The following ABCA1 variants were observed in gnomAD, a reference collection of about 807,000 sequenced individuals.
ABCA1 encodes the protein phospholipid-transporting ATPase ABCA1.
A neutral mutation model predicts 262.5 loss-of-function variants in ABCA1; 133 were observed. That is an observed-to-expected ratio of 0.51 (90% CI 0.44 to 0.59). The LOEUF (loss-of-function observed/expected upper bound fraction) is 0.59, where lower values mean the gene tolerates loss of function less well. Among genes scored for constraint, ABCA1 ranks in the 20% least tolerant of loss-of-function variants. The probability of loss-of-function intolerance (pLI) is 0.00; values close to 1 mark genes in which losing one functional copy is unlikely to be tolerated. For missense variants in ABCA1, 2,452 were observed against 2,777.5 expected (o/e 0.88, Z 2.63); for synonymous variants, 1,022 against 1,043.5 (o/e 0.98, Z 0.40).
chr9:104,889,471 G>A, intron 2 of ABCA1: 2 of 776,600 alleles, frequency 2.6e-6, no homozygotes, highest in Non-Finnish European at 1.6e-6. Context: ...ATTCATCGTG[G>A]CATAATTTCC....
At position 104,798,590 on chromosome 9, in the gene ABCA1, G is replaced by A; in HGVS notation, c.4952C>T (p.Thr1651Ile). ...QQLSEVALMT[T>I]SVDVLVSICV... is the part of the protein sequence containing the mutation. ...GATGGACACAAGGACATCCACTGAT[G>A]TGGTCATCCTGGAGAGAAAAAGCGT... is the stretch of plus-strand genomic sequence containing the variant. The change falls in exon 37 of 50, where the codon ACA (threonine) becomes ATA (isoleucine). Residue 1651 changes from threonine to isoleucine, a missense_variant. Coordinates refer to ENST00000374736, the MANE Select transcript of ABCA1 (RefSeq NM_005502.4). 6.2e-7 allele frequency: 1 copy of A among 1,614,078 alleles called. No individual in the cohort carries two copies. The highest frequency in any genetic ancestry group is 8.5e-7 in the Non-Finnish European group (1 of 1,179,984).
intron 1 of ABCA1, among the ~76,000 whole-genome samples, chr9:104,926,149 G>A (rs373431800): frequency 2.6e-5 from 4 of 152,144 alleles, no homozygotes; most frequent in African/African-American, 9.6e-5. Flanking sequence ...TACCCAGAAG[G>A]TTTTTTTAAA....
rs1194236423 is a variant in ABCA1 at position 104,862,635 on chromosome 9, G to C, written c.422-835C>G. 0.022 allele frequency among the ~76,000 whole-genome samples: 31 copies of C among 1,416 alleles called. No individual in the cohort carries two copies. In the East Asian group the frequency reaches 0.31, roughly 14 times the overall value. 0.9% of individuals were successfully genotyped at this position (1,416 alleles called of 152,430 possible). On this transcript the variant is annotated intron_variant, in intron 5 of 49. Coordinates refer to ENST00000374736, the MANE Select transcript of ABCA1 (RefSeq NM_005502.4). ...AGAGCTTGTTAAAATGCAGACTGCC[G>C]GGCCGGGCCGGGCCGGGCCGGGCCG... is the stretch of plus-strand genomic sequence containing the variant.
chr9:104,923,355 A>C (rs554731608), intron 1 of ABCA1, among the ~76,000 whole-genome samples: 1 of 152,360 alleles, frequency 6.6e-6, no homozygotes, highest in South Asian at 2.1e-4. Context: ...CATCTGACTG[A>C]AGCAATAGTA....
Position 104,830,942 on chromosome 9 carries a change from G to C in ABCA1, c.1875C>G (p.Pro625=). ...TGVYMQQMPY[P]CYVDDIFLRV... is the part of the protein sequence containing the mutation. ...TAACTTACATGTCATCAACGTAACA[G>C]GGATAGGGCATCTGTTGCATATAGA... The change falls in exon 14 of 50, where the codon CCC becomes CCG. Residue 625 remains proline (P), a synonymous_variant. Coordinates refer to ENST00000374736, the MANE Select transcript of ABCA1 (RefSeq NM_005502.4). 4 of 1,613,620 alleles carry C rather than the reference G, an allele frequency of 2.5e-6. No individual in the cohort carries two copies. The highest frequency in any genetic ancestry group is 3.4e-6 in the Non-Finnish European group (4 of 1,179,928).
At chr9:104,890,134 C>A (rs1304385183) in intron 2 of ABCA1, among the ~76,000 whole-genome samples, 1 of 152,164 alleles carries the variant, frequency 6.6e-6, no homozygotes, top group African/African-American at 2.4e-5. Flanking sequence ...TTCTATATTC[C>A]AACGTTGTAA....
At chr9:104,866,429 C>T (rs1837093099) in intron 5 of ABCA1, among the ~76,000 whole-genome samples, 1 of 152,034 alleles carries the variant, frequency 6.6e-6, no homozygotes, top group Admixed American at 6.5e-5. Flanking sequence ...CTCCAGGAAG[C>T]CTGCCCTGGC....
At chr9:104,838,909 T>C (rs1834100481) in intron 9 of ABCA1, among the ~76,000 whole-genome samples, 1 of 151,230 alleles carries the variant, frequency 6.6e-6, no homozygotes, top group South Asian at 2.1e-4. Flanking sequence ...GAGGAGGAGA[T>C]GGGATTTAAT....
At chr9:104,868,203 T>C (rs993252881) in intron 5 of ABCA1, among the ~76,000 whole-genome samples, 11 of 151,962 alleles carry the variant, frequency 7.2e-5, no homozygotes, top group Admixed American at 2.6e-4. Flanking sequence ...CTACTAAAAA[T>C]ACAAAATTAG....
chr9:104,895,236 A>G (rs1840093043), intron 2 of ABCA1, among the ~76,000 whole-genome samples: 1 of 152,234 alleles, frequency 6.6e-6, no homozygotes, highest in African/African-American at 2.4e-5. Flanking sequence ...ACCAAAGTCA[A>G]AGCTGCTCCA....
At chr9:104,829,735 G>T (rs1833097391) in intron 14 of ABCA1, among the ~76,000 whole-genome samples, 1 of 152,146 alleles carries the variant, frequency 6.6e-6, no homozygotes, top group Non-Finnish European at 1.5e-5. Flanking sequence ...CCTGTCTTAA[G>T]ACATCCTTTC....
chr9:104,825,984 C>T, intron 16 of ABCA1, 97 bp from the exon 17 acceptor site: 5 of 1,223,664 alleles, frequency 4.1e-6, no homozygotes, highest in Non-Finnish European at 5.9e-6. Context: ...TTTGAATTTG[C>T]AAAATGGATC....
intron 5 of ABCA1, among the ~76,000 whole-genome samples, chr9:104,871,704 G>T (rs1046030071): frequency 1.3e-5 from 2 of 152,102 alleles, no homozygotes; most frequent in Non-Finnish European, 1.5e-5. Context: ...AATGAGAGAG[G>T]ACAGCTGGAA....
intron 44 of ABCA1, 137 bp from the exon 45 acceptor site, chr9:104,788,704 G>A: frequency 8.8e-7 from 1 of 1,141,660 alleles, no homozygotes; most frequent in Non-Finnish European, 1.3e-6. Flanking sequence ...TGAAAGCACA[G>A]CCTTTCTGCC....
At chr9:104,792,670 G>A in intron 42 of ABCA1, 116 bp downstream of exon 42, 2 of 1,291,286 alleles carry the variant, frequency 1.5e-6, no homozygotes, top group Non-Finnish European at 2.2e-6. Context: ...CCTTGGTATA[G>A]ATGTACATTT....
At chr9:104,845,911 G>A (rs1160527267) in intron 7 of ABCA1, among the ~76,000 whole-genome samples, 1 of 152,162 alleles carries the variant, frequency 6.6e-6, no homozygotes, top group South Asian at 2.1e-4. Context: ...CTGCAAGATG[G>A]GTAATACGGG....
chr9:104,784,103 C>T lies in ABCA1; in HGVS notation c.*212G>A. ...TAAATTCAAGTCTTTCACTTGAGAG[C>T]CATACAAGACATAGGCTACAAAGGC... On this transcript the variant is annotated 3_prime_UTR_variant, in exon 50 of 50. Transcript: ENST00000374736. 1.7e-6 allele frequency: 1 copy of T among 585,816 alleles called. No homozygotes were observed. Among genetic ancestry groups the T allele is most frequent in the Non-Finnish European group, 3.0e-6 (1 of 335,746 alleles). The allele number at this position is 585,816 out of a possible 1,614,324, so 36.3% of individuals were successfully genotyped here.
intron 1 of ABCA1, among the ~76,000 whole-genome samples, chr9:104,920,626 C>T (rs1405340031): frequency 6.6e-6 from 1 of 152,160 alleles, no homozygotes; most frequent in Non-Finnish European, 1.5e-5. Context: ...ATTCTTCTGC[C>T]TAAGCCTCCT....
intron 30 of ABCA1, among the ~76,000 whole-genome samples, chr9:104,809,032 G>A (rs1831040868): frequency 6.6e-6 from 1 of 152,196 alleles, no homozygotes; most frequent in South Asian, 2.1e-4. Flanking sequence ...AGAAGAAAGT[G>A]TCCCTTTTTA....
Sources: gnomAD v4.1 joint callset for allele counts (sites outside exome capture counted in the v4.1 genomes callset) on GRCh38, gnomAD v4.1.1 for gene constraint, MANE v1.5 for transcripts, NCBI Gene and HGNC (gene_info 2026-07-23, HGNC 2026-07-21) for gene names.